PCDHGA5: variants seen among roughly 807,000 people sequenced by gnomAD.
PCDHGA5 encodes protocadherin gamma-A5.
In PCDHGA5, 36 loss-of-function variants were observed where a neutral mutation model predicts 56.7. The observed-to-expected ratio is 0.64, with a 90% CI of 0.49 to 0.84. The LOEUF (loss-of-function observed/expected upper bound fraction) is 0.84. Among genes scored for constraint, PCDHGA5 ranks in the 40% least tolerant of loss-of-function variants. The pLI is 0.00. For synonymous variants in PCDHGA5, 563 were observed against 520.2 expected, an observed-to-expected ratio of 1.08 and a Z score of -1.12; for missense variants, 1,305 against 1,201.5, an observed-to-expected ratio of 1.09 and a Z score of -1.27.
chr5:141,444,406 G>A (rs1296878411), intron 1 of PCDHGA5, among the ~76,000 whole-genome samples: 1 of 151,874 alleles, frequency 6.6e-6, no homozygotes, highest in Non-Finnish European at 1.5e-5. Context: ...CCCAACCTCA[G>A]GTGATCTTCC....
chr5:141,386,660 A>C (rs1300288203), intron 1 of PCDHGA5, among the ~76,000 whole-genome samples: 1 of 151,968 alleles, frequency 6.6e-6, no homozygotes, highest in Non-Finnish European at 1.5e-5. Context: ...CAAGTTCTGC[A>C]GTGTTCACAT....
intron 1 of PCDHGA5, chr5:141,418,770 A>G: frequency 6.2e-7 from 1 of 1,613,892 alleles, no homozygotes; most frequent in Non-Finnish European, 8.5e-7. Context: ...ATTCTAACTC[A>G]GCAGCCTTTG....
chr5:141,478,327 A>G lies in PCDHGA5; in HGVS notation c.2422-16480A>G, dbSNP rs149317962. The G allele has an allele frequency of 9.9e-6, 16 of 1,613,974 alleles. No homozygotes were observed. The African/African-American group carries it at 2.0e-4, about 20-fold the overall frequency. The stretch of plus-strand genomic sequence containing the variant: ...CCCCGGTGAGCTCACTGTACCGAAC[A>G]CCAGGGCCCTCCTTGCACGCGGACG... On this transcript the variant is annotated intron_variant, in intron 1 of 3. Transcript: ENST00000518069.
In PCDHGA5 at chr5:141,432,845, G is replaced by A. The variant is rs1299464282; in HGVS notation, c.2422-61962G>A. The A allele has an allele frequency of 1.2e-6, 2 of 1,614,076 alleles. No individual in the cohort carries two copies. The highest frequency in any genetic ancestry group is 8.5e-7 in the Non-Finnish European group (1 of 1,180,024). ...AGACCTCACTCTGTACCTGGTGGTA[G>A]CGGTGGCCGCGGTCTCCTGCGTCTT... On this transcript the variant is annotated intron_variant, in intron 1 of 3. Coordinates refer to ENST00000518069, the MANE Select transcript of PCDHGA5 (RefSeq NM_018918.3). This position sits in a 1 kb window ranked among gnomAD's most constrained non-coding sequence, Gnocchi z 6.0.
At chr5:141,408,188 G>A in intron 1 of PCDHGA5, 6 of 1,543,620 alleles carry the variant, frequency 3.9e-6, no homozygotes, top group Non-Finnish European at 4.4e-6. Flanking sequence ...GACCCAGCGA[G>A]AACCCGAGCG....
chr5:141,383,054 T>C, intron 1 of PCDHGA5: 3 of 1,613,872 alleles, frequency 1.9e-6, no homozygotes, highest in Non-Finnish European at 2.5e-6. Flanking sequence ...GCCAAGGACC[T>C]GGGGCTGGAG....
Position 141,399,669 on chromosome 5 carries a change from C to T in PCDHGA5, c.2421+32918C>T, listed in dbSNP as rs2093861369. 1.9e-6 allele frequency: 3 copies of T among 1,613,524 alleles called. No individual in the cohort carries two copies. The African/African-American group carries it at 4.0e-5, about 22-fold the overall frequency. On this transcript the variant is annotated intron_variant, in intron 1 of 3. Coordinates refer to ENST00000518069, the MANE Select transcript of PCDHGA5 (RefSeq NM_018918.3). ...AAAGTGGGGTGGTGTTCGCGCAGCG[C>T]GCCTTTGACTACGAGCAGCTGCGCA...
intron 1 of PCDHGA5, among the ~76,000 whole-genome samples, chr5:141,469,914 C>T (rs1451982311): frequency 6.6e-6 from 1 of 152,082 alleles, no homozygotes. Flanking sequence ...GCAGACCACC[C>T]GAGGTCAGGA....
intron 1 of PCDHGA5, chr5:141,390,461 C>T: frequency 2.7e-6 from 2 of 738,224 alleles, no homozygotes; most frequent in Non-Finnish European, 4.3e-6. Context: ...AAAGTAGGAG[C>T]AATTGTGTGG....
intron 1 of PCDHGA5, chr5:141,400,256 G>T (rs756430299): frequency 8.1e-6 from 13 of 1,613,868 alleles, no homozygotes; most frequent in Non-Finnish European, 1.1e-5. Flanking sequence ...GTTGCCTTGC[G>T]CCTGCGACGC....
chr5:141,398,704 G>A (rs1044524998), intron 1 of PCDHGA5: 9 of 1,613,808 alleles, frequency 5.6e-6, no homozygotes, highest in Non-Finnish European at 7.6e-6. Flanking sequence ...TAAATACCCG[G>A]AACTGGCACT....
chr5:141,414,741 A>C, intron 1 of PCDHGA5: 1 of 1,614,158 alleles, frequency 6.2e-7, no homozygotes. Flanking sequence ...ATGCACTCAG[A>C]TCCTTCGACT....
chr5:141,383,736 T>C (rs1388139242), intron 1 of PCDHGA5: 1 of 1,614,002 alleles, frequency 6.2e-7, no homozygotes, highest in Non-Finnish European at 8.5e-7. Context: ...AAGTGACATA[T>C]TCTTTTCGGA....
Position 141,366,287 on chromosome 5 carries a change from C to A in PCDHGA5, c.1957C>A (p.Pro653Thr), listed in dbSNP as rs746594585. 1 of 1,613,736 alleles carries A rather than the reference C, an allele frequency of 6.2e-7. No homozygotes were observed. The highest frequency in any genetic ancestry group is 1.3e-5 in the African/African-American group (1 of 75,080). Residue 653 changes from proline (P) to threonine (T), a missense_variant, in exon 1 of 4, where the codon CCT becomes ACT. By Grantham distance (38) the Pro-to-Thr change is conservative. Transcript: ENST00000518069. Reference sequence around the variant, plus strand: ...GGCCGTCGAAGACCATGGCCAGCCCCCTCTGTCAGCCACCTTCACGGTCAC... The same window carrying A: ...GGCCGTCGAAGACCATGGCCAGCCCACTCTGTCAGCCACCTTCACGGTCAC... ...VVAVEDHGQP[P>T]LSATFTVTVA...
intron 1 of PCDHGA5, among the ~76,000 whole-genome samples, chr5:141,475,629 C>T (rs77593456): frequency 0.054 from 8,157 of 152,234 alleles, 446 homozygotes; most frequent in African/African-American, 0.15. Flanking sequence ...TGGTTCGATC[C>T]CCTTTCTTGT....
chr5:141,472,980 C>CAAAAAAAAAAAAAAA (rs60579131), intron 1 of PCDHGA5, among the ~76,000 whole-genome samples: 13 of 86,076 alleles, frequency 1.5e-4, no homozygotes, highest in African/African-American at 1.9e-4. Context: ...GAGTGAAACT[C>CAAAAAAAAAAAAAAA]AAAAAAAAAA....
chr5:141,377,683 T>C (rs1160424297), intron 1 of PCDHGA5: 1 of 152,192 alleles, frequency 6.6e-6, no homozygotes, highest in Non-Finnish European at 1.5e-5. Context: ...AAGAGATCTT[T>C]CACCTTTACT....
chr5:141,391,196 T>C (rs887079701), intron 1 of PCDHGA5: 1 of 152,158 alleles, frequency 6.6e-6, no homozygotes, highest in Non-Finnish European at 1.5e-5. Flanking sequence ...ACAAAATATA[T>C]ACAAAATACC....
At chr5:141,433,225 GCT>G in intron 1 of PCDHGA5, 1 of 1,517,048 alleles carries the variant, frequency 6.6e-7, no homozygotes, top group African/African-American at 1.4e-5. Context: ...TTTTTTAATT[GCT>G]CTGTCTCCCA....
Sources: allele counts gnomAD v4.1 joint callset (sites outside exome capture counted in the v4.1 genomes callset), GRCh38; gene constraint gnomAD v4.1.1; non-coding constraint Gnocchi (gnomAD v3.1); transcripts MANE v1.5; gene names NCBI Gene and HGNC (gene_info 2026-07-23, HGNC 2026-07-21).